Variants in LAG3 observed in about 807,000 individuals in gnomAD.
LAG3 encodes lymphocyte activation gene 3 protein.
In LAG3, 29 loss-of-function variants were observed where a neutral mutation model predicts 49.0. That is an observed-to-expected ratio of 0.59 (90% CI 0.44 to 0.81). LAG3 has a LOEUF of 0.81. Among genes scored for constraint, LAG3 ranks in the 30% least tolerant of loss-of-function variants. The pLI is 0.00. For synonymous variants in LAG3, 320 were observed against 297.3 expected (o/e 1.08, Z -0.79); for missense variants, 693 against 695.2 (o/e 1.00, Z 0.04).
rs935091620 is a variant in LAG3 at position 6,773,402 on chromosome 12, C to G, written c.206+63C>G. 6.9e-6 allele frequency: 11 copies of G among 1,583,992 alleles called. No individual in the cohort carries two copies. The highest frequency in any genetic ancestry group is 2.7e-5 in the African/African-American group (2 of 74,194). On this transcript the variant is annotated intron_variant, in intron 2 of 7. Coordinates refer to ENST00000203629, the MANE Select transcript of LAG3 (RefSeq NM_002286.6). This position sits in a 1 kb window ranked among gnomAD's most constrained non-coding sequence, Gnocchi z 5.5. ...CCAGCACTCAACCCCACACCCGTGC[C>G]GGTCCTCTGTCCCCTGCCCTGAGGT...
Position 6,773,850 on chromosome 12 carries a change from C to A in LAG3, c.360C>A (p.Val120=). 7.1e-7 allele frequency: 1 copy of A among 1,410,672 alleles called. No individual in the cohort carries two copies. 87.4% of individuals were successfully genotyped at this position (1,410,672 alleles called of 1,614,324 possible). Reference sequence around the variant, plus strand: ...GGAGGCTGCCCCTGCAGCCCCGCGTCCAGCTGGATGAGCGCGGCCGGCAGC... The same window carrying A: ...GGAGGCTGCCCCTGCAGCCCCGCGTACAGCTGGATGAGCGCGGCCGGCAGC... The part of the protein sequence containing the change: ...RSGRLPLQPR[V]QLDERGRQRG... Residue 120 remains valine (V), a synonymous_variant, in exon 3 of 8, where the codon GTC becomes GTA. Transcript: ENST00000203629. This position sits in a 1 kb window ranked among gnomAD's most constrained non-coding sequence, Gnocchi z 5.5.
rs976081703 is a variant in LAG3, at chr12:6,773,244, G to A, written c.111G>A (p.Gly37=). Residue 37 remains glycine, a synonymous_variant, in exon 2 of 8, where the codon GGG becomes GGA. Coordinates refer to ENST00000203629, the MANE Select transcript of LAG3 (RefSeq NM_002286.6). The surrounding 1 kb of genome is among the most constrained non-coding windows in gnomAD (Gnocchi z 5.5). ...TCCCGGTGGTGTGGGCCCAGGAGGG[G>A]GCTCCTGCCCAGCTCCCCTGCAGCC... ...AEVPVVWAQE[G]APAQLPCSPT... 1.2e-6 allele frequency: 2 copies of A among 1,612,640 alleles called. No individual in the cohort carries two copies. Among genetic ancestry groups the A allele is most frequent in the Non-Finnish European group, 8.5e-7 (1 of 1,179,470 alleles).
Position 6,773,636 on chromosome 12 carries a change from C to T in LAG3, c.207-61C>T. On this transcript the variant is annotated intron_variant, in intron 2 of 7. Transcript: ENST00000203629. The surrounding 1 kb of genome is among the most constrained non-coding windows in gnomAD (Gnocchi z 5.5). Reference sequence around the variant, plus strand: ...TTTCTCATCCTCAACGGGTGGCTGCCTGCATCCTCCCGGGCTTCCTACCCC... The same window carrying T: ...TTTCTCATCCTCAACGGGTGGCTGCTTGCATCCTCCCGGGCTTCCTACCCC... 2 of 1,336,206 alleles carry T rather than the reference C, an allele frequency of 1.5e-6. No homozygotes were observed. Among genetic ancestry groups the T allele is most frequent in the Non-Finnish European group, 1.9e-6 (2 of 1,050,648 alleles). The allele number at this position is 1,336,206 out of a possible 1,614,324, so 82.8% of individuals were successfully genotyped here. A position where few individuals can be genotyped will look rare whatever the true frequency, so the allele number is the denominator to read the frequency against.
At position 6,778,099 on chromosome 12, in the gene LAG3, AG is replaced by A. The variant is rs376437378; in HGVS notation, c.1432-139del. On this transcript the variant is annotated intron_variant, in intron 7 of 7. Coordinates refer to ENST00000203629, the MANE Select transcript of LAG3 (RefSeq NM_002286.6). Reference sequence around the variant, plus strand: ...ATGGCTTGTGCCTGGGTAGGCTGGAAGGGGGGTTGGGAGAAAGCCAGGACCA... The same window carrying A: ...ATGGCTTGTGCCTGGGTAGGCTGGAAGGGGGTTGGGAGAAAGCCAGGACCA... 1.3e-3 allele frequency: 1,649 copies of A among 1,309,966 alleles called. 16 individuals are homozygous for A. The African/African-American group carries it at 0.022, about 17-fold the overall frequency. The allele number at this position is 1,309,966 out of a possible 1,614,324, so 81.1% of individuals were successfully genotyped here.
chr12:6,772,785 C>CCCCCCCTCCCCCCT lies in LAG3; in HGVS notation c.-68_-67insCCCCCCTCCCCCCT. On this transcript the variant is annotated 5_prime_UTR_variant, in exon 1 of 8. Coordinates refer to ENST00000203629, the MANE Select transcript of LAG3 (RefSeq NM_002286.6). ...AACTTCTCCTTTACCCCCCACCCCC[C>CCCCCCCTCCCCCCT]ACCACTGCCCCCTTTCCTTTTCTGA... The CCCCCCCTCCCCCCT allele has an allele frequency of 8.6e-7, 1 of 1,163,354 alleles. No homozygotes were observed. The highest frequency in any genetic ancestry group is 1.2e-6 in the Non-Finnish European group (1 of 802,990). The allele number at this position is 1,163,354 out of a possible 1,614,324, so 72.1% of individuals were successfully genotyped here.
Position 6,777,893 on chromosome 12 carries a change from C to T in LAG3, c.1403C>T (p.Ala468Val). The change falls in exon 7 of 8, where the codon GCC becomes GTC. Residue 468 changes from alanine (A) to valine (V), a missense_variant. By Grantham distance (64) the Ala-to-Val change is moderately conservative. Transcript: ENST00000203629. ...VLSLLLLVTG[A>V]FGFHLWRRQW... ...TCTCTGCTCCTTTTGGTGACTGGAG[C>T]CTTTGGCTTTCACCTTTGGAGAAGA... The T allele has an allele frequency of 6.2e-7, 1 of 1,613,818 alleles. No individual in the cohort carries two copies. Among genetic ancestry groups the T allele is most frequent in the Non-Finnish European group, 8.5e-7 (1 of 1,179,958 alleles).
chr12:6,774,718 C>G lies in LAG3; in HGVS notation c.635C>G (p.Pro212Arg). The G allele has an allele frequency of 6.2e-7, 1 of 1,614,204 alleles. No homozygotes were observed. Among genetic ancestry groups the G allele is most frequent in the Non-Finnish European group, 8.5e-7 (1 of 1,180,014 alleles). Residue 212 changes from proline to arginine, a missense_variant, in exon 4 of 8, where the codon CCT becomes CGT. Physicochemically the swap from Pro to Arg is moderately radical, Grantham distance 103. Coordinates refer to ENST00000203629, the MANE Select transcript of LAG3 (RefSeq NM_002286.6). ...WFRNRGQGRV[P>R]VRESPHHHLA... ...CGGAACCGGGGCCAGGGCCGAGTCCCTGTCCGGGAGTCCCCCCATCACCAC... is the reference window on the plus strand; with the variant it reads ...CGGAACCGGGGCCAGGGCCGAGTCCGTGTCCGGGAGTCCCCCCATCACCAC...
chr12:6,774,562 T>G, intron 3 of LAG3, 33 bp from the exon 4 acceptor site: 1 of 1,589,172 alleles, frequency 6.3e-7, no homozygotes, highest in Non-Finnish European at 8.6e-7. Flanking sequence ...TTGTTTCCAG[T>G]GGGCTGATGA....
At position 6,778,360 on chromosome 12, in the gene LAG3, C is replaced by T; in HGVS notation, c.1548C>T (p.Pro516=). The change falls in exon 8 of 8, where the codon CCC becomes CCT. Residue 516 remains proline, a synonymous_variant. Transcript: ENST00000203629. ...PEPEPEPEPE[P]EPEPEPEQL ...CGGAGCCGGAGCCGGAACCGGAGCC[C>T]GAGCCCGAGCCCGAGCCGGAGCAGC... 1 of 1,608,366 alleles carries T rather than the reference C, an allele frequency of 6.2e-7. No homozygotes were observed.
chr12:6,777,146 C>T, intron 5 of LAG3, 118 bp from the exon 6 acceptor site: 5 of 1,180,614 alleles, frequency 4.2e-6, no homozygotes, highest in Non-Finnish European at 6.1e-6. Context: ...TGTCCTTCCC[C>T]AACCTCCCCT....
In LAG3 at chr12:6,774,040, G is replaced by A. The variant is rs1189794890; in HGVS notation, c.511+39G>A. ...GACGATGGGAGAAGGGCTGGGAGGT[G>A]GGTCCCCATCCCCTGCCTCCCGGGA... is the stretch of plus-strand genomic sequence containing the variant. On this transcript the variant is annotated intron_variant, in intron 3 of 7. Coordinates refer to ENST00000203629, the MANE Select transcript of LAG3 (RefSeq NM_002286.6). 9.4e-6 allele frequency: 13 copies of A among 1,382,130 alleles called. No individual in the cohort carries two copies. In the South Asian group the frequency reaches 1.8e-4, roughly 19 times the overall value. The allele number at this position is 1,382,130 out of a possible 1,614,324, so 85.6% of individuals were successfully genotyped here.
In LAG3 at chr12:6,772,739, C is replaced by A; in HGVS notation, c.-114C>A. 1 of 832,100 alleles carries A rather than the reference C, an allele frequency of 1.2e-6. No individual in the cohort carries two copies. The highest frequency in any genetic ancestry group is 2.8e-5 in the East Asian group (1 of 36,350). The allele number at this position is 832,100 out of a possible 1,614,324, so 51.5% of individuals were successfully genotyped here. A position where few individuals can be genotyped will look rare whatever the true frequency, so the allele number is the denominator to read the frequency against. Reference sequence around the variant, plus strand: ...GGTCTCCCTTCTTCTAGAACCCCTTCCTCCACCTCCCTCTCTGCAGAACTT... The same window carrying A: ...GGTCTCCCTTCTTCTAGAACCCCTTACTCCACCTCCCTCTCTGCAGAACTT... On this transcript the variant is annotated 5_prime_UTR_variant, in exon 1 of 8. Transcript: ENST00000203629.
chr12:6,773,308 G>A lies in LAG3; in HGVS notation c.175G>A (p.Ala59Thr). 1 of 1,613,878 alleles carries A rather than the reference G, an allele frequency of 6.2e-7. No individual in the cohort carries two copies. Among genetic ancestry groups the A allele is most frequent in the Non-Finnish European group, 8.5e-7 (1 of 1,179,916 alleles). The change falls in exon 2 of 8, where the codon GCA becomes ACA. Residue 59 changes from alanine to threonine, a missense_variant. Coordinates refer to ENST00000203629, the MANE Select transcript of LAG3 (RefSeq NM_002286.6). The surrounding 1 kb of genome is among the most constrained non-coding windows in gnomAD (Gnocchi z 5.5). ...CCAGGATCTCAGCCTTCTGCGAAGA[G>A]CAGGGGTCACTTGGCAGCATCAGCC... is the stretch of plus-strand genomic sequence containing the variant. ...PLQDLSLLRRAGVTWQHQPDS... is the reference protein window; with the variant it reads ...PLQDLSLLRRTGVTWQHQPDS...
Position 6,772,629 on chromosome 12 carries a change from T to G in LAG3, c.-224T>G. The G allele has an allele frequency of 9.2e-6, 4 of 432,754 alleles. No individual in the cohort carries two copies. The highest frequency in any genetic ancestry group is 3.8e-5 in the East Asian group (1 of 26,184). The allele number at this position is 432,754 out of a possible 1,614,324, so 26.8% of individuals were successfully genotyped here. A position where few individuals can be genotyped will look rare whatever the true frequency, so the allele number is the denominator to read the frequency against. On this transcript the variant is annotated 5_prime_UTR_variant, in exon 1 of 8. Coordinates refer to ENST00000203629, the MANE Select transcript of LAG3 (RefSeq NM_002286.6). ...CACCCCCGCCCCCACCTCCTCAGGC[T>G]GCCTGATCTGCCCAGCTTTCCAGCT...
intron 7 of LAG3, 33 bp from the exon 8 acceptor site, chr12:6,778,211 G>T (rs770069013): frequency 2.7e-5 from 41 of 1,546,018 alleles, no homozygotes; most frequent in Non-Finnish European, 3.6e-5. Context: ...TCCTCCTTCC[G>T]CCCTCCGTCT....
intron 6 of LAG3, 27 bp from the exon 7 acceptor site, chr12:6,777,764 A>T: frequency 1.2e-6 from 2 of 1,613,126 alleles, no homozygotes; most frequent in Non-Finnish European, 1.7e-6. Flanking sequence ...TCCTGACCCT[A>T]TGCCTCATCC....
At position 6,772,793 on chromosome 12, in the gene LAG3, C is replaced by G; in HGVS notation, c.-60C>G. ...CTTTACCCCCCACCCCCCACCACTG[C>G]CCCCTTTCCTTTTCTGACCTCCTTT... is the stretch of plus-strand genomic sequence containing the variant. On this transcript the variant is annotated 5_prime_UTR_variant, in exon 1 of 8. Transcript: ENST00000203629. 4.6e-6 allele frequency: 5 copies of G among 1,095,618 alleles called. No homozygotes were observed. Among genetic ancestry groups the G allele is most frequent in the South Asian group, 1.3e-5 (1 of 79,058 alleles). 67.9% of individuals were successfully genotyped at this position (1,095,618 alleles called of 1,614,324 possible).
intron 3 of LAG3, 146 bp downstream of exon 3, chr12:6,774,147 C>G: frequency 1.6e-6 from 2 of 1,273,416 alleles, no homozygotes; most frequent in Non-Finnish European, 2.0e-6. Flanking sequence ...GGTGGGCGGC[C>G]TGCTGGAGTG....
Position 6,777,286 on chromosome 12 carries a change from A to C in LAG3, c.1080A>C (p.Ser360=), listed in dbSNP as rs1320147987. The change falls in exon 6 of 8, where the codon TCA becomes TCC. Residue 360 remains serine (S), a synonymous_variant. Transcript: ENST00000203629. Reference sequence around the variant, plus strand: ...CAGTGACTCCCAAATCCTTTGGGTCACCTGGATCCCTGGGGAAGCTGCTTT... The same window carrying C: ...CAGTGACTCCCAAATCCTTTGGGTCCCCTGGATCCCTGGGGAAGCTGCTTT... The part of the protein sequence containing the change: ...IITVTPKSFG[S]PGSLGKLLCE... 1 of 1,613,930 alleles carries C rather than the reference A, an allele frequency of 6.2e-7. No homozygotes were observed. Among genetic ancestry groups the C allele is most frequent in the East Asian group, 2.2e-5 (1 of 44,894 alleles).
Sources: gnomAD v4.1 joint callset for allele counts on GRCh38, gnomAD v4.1.1 for gene constraint, Gnocchi (gnomAD v3.1) non-coding constraint, MANE v1.5 for transcripts, NCBI Gene and HGNC (gene_info 2026-07-23, HGNC 2026-07-21) for gene names.